VPS4B: variants seen among roughly 807,000 people sequenced by gnomAD.
VPS4B encodes the protein vacuolar protein sorting 4 homolog B.
VPS4B carries 23 observed loss-of-function variants against 56.1 expected under a neutral mutation model. The observed-to-expected ratio is 0.41, with a 90% CI of 0.30 to 0.58. VPS4B has a LOEUF of 0.58. Ranked by LOEUF, VPS4B falls within the 20% of genes least tolerant of loss-of-function variation. VPS4B has a pLI of 0.29. For missense variants in VPS4B, 372 were observed against 531.9 expected (o/e 0.70, Z 2.96); for synonymous variants, 177 against 186.0 (o/e 0.95, Z 0.39).
At chr18:63,412,281 T>C (rs1380701157) in intron 1 of VPS4B, among the ~76,000 whole-genome samples, 1 of 152,178 alleles carries the variant, frequency 6.6e-6, no homozygotes, top group Non-Finnish European at 1.5e-5. Context: ...GGACACAACT[T>C]TTTATATGTA....
chr18:63,402,856 C>T (rs1032219958), intron 5 of VPS4B, among the ~76,000 whole-genome samples: 3 of 152,142 alleles, frequency 2.0e-5, no homozygotes, highest in Admixed American at 6.5e-5. Flanking sequence ...CTGCTCTATA[C>T]GATACGACTG....
chr18:63,393,071 T>C lies in VPS4B; in HGVS notation c.1233+338A>G, dbSNP rs563254771. Among the ~76,000 whole-genome samples the C allele has an allele frequency of 1.1e-3, 160 of 152,244 alleles. 1 individual carries two copies. The highest frequency in any genetic ancestry group is 3.7e-3 in the African/African-American group (152 of 41,534). ...AATCTGAGATGCAGGGGAAAAAAAA[T>C]ATTTCACCAACCCTATTTTTTAGTT... On this transcript the variant is annotated intron_variant, in intron 10 of 10. Transcript: ENST00000238497.
intron 1 of VPS4B, among the ~76,000 whole-genome samples, chr18:63,421,313 G>A (rs1281317843): frequency 2.6e-5 from 4 of 152,044 alleles, no homozygotes; most frequent in Non-Finnish European, 5.9e-5. Flanking sequence ...AATTATCATG[G>A]GTTAAGGAGT....
chr18:63,394,023 G>A (rs1314085285), intron 9 of VPS4B, among the ~76,000 whole-genome samples: 3 of 151,848 alleles, frequency 2.0e-5, no homozygotes, highest in South Asian at 2.1e-4. Flanking sequence ...AGGTGTGAGC[G>A]ACTGCACCCA....
At chr18:63,394,692 CCT>C (rs1279041140) in intron 9 of VPS4B, among the ~76,000 whole-genome samples, 3 of 152,130 alleles carry the variant, frequency 2.0e-5, no homozygotes, top group Admixed American at 2.0e-4. Flanking sequence ...GTCTCGAACC[CCT>C]GACCTTGTGA....
intron 3 of VPS4B, among the ~76,000 whole-genome samples, chr18:63,408,027 A>G (rs1915956897): frequency 6.6e-6 from 1 of 152,216 alleles, no homozygotes; most frequent in Non-Finnish European, 1.5e-5. Flanking sequence ...CGATCAAGGC[A>G]TTTCATTCAT....
chr18:63,405,882 A>C (rs548367733), intron 4 of VPS4B, among the ~76,000 whole-genome samples: 1 of 152,058 alleles, frequency 6.6e-6, no homozygotes, highest in African/African-American at 2.4e-5. Context: ...GCTACTCAGG[A>C]GGCTGAGGCA....
chr18:63,397,805 A>G (rs1915704254), intron 8 of VPS4B, among the ~76,000 whole-genome samples: 1 of 152,200 alleles, frequency 6.6e-6, no homozygotes, highest in East Asian at 1.9e-4. Flanking sequence ...AGCAACGATG[A>G]GGGATAATTT....
chr18:63,421,037 CAAAA>C (rs36083080), intron 1 of VPS4B, among the ~76,000 whole-genome samples: 3 of 52,016 alleles, frequency 5.8e-5, no homozygotes, highest in East Asian at 1.2e-3. Flanking sequence ...GACTCCGTCT[CAAAA>C]AAAAAAAAAA....
intron 9 of VPS4B, among the ~76,000 whole-genome samples, chr18:63,395,303 AAACTT>A (rs1247666943): frequency 6.6e-6 from 1 of 152,262 alleles, no homozygotes; most frequent in Non-Finnish European, 1.5e-5. Flanking sequence ...GCTGTGGCAT[AAACTT>A]AACAGTACTT....
intron 1 of VPS4B, among the ~76,000 whole-genome samples, chr18:63,412,303 T>C (rs1478711015): frequency 6.6e-6 from 1 of 152,190 alleles, no homozygotes; most frequent in African/African-American, 2.4e-5. Context: ...CAGGAATTTA[T>C]TTGAAACAAC....
At chr18:63,393,623 A>G (rs943244232) in intron 9 of VPS4B, 74 bp from the exon 10 acceptor site, 11 of 1,320,772 alleles carry the variant, frequency 8.3e-6, no homozygotes, top group Non-Finnish European at 1.1e-5. Context: ...TTACCAGGAA[A>G]GTTAAAATGT....
In VPS4B at chr18:63,400,665, G is replaced by A; in HGVS notation, c.523C>T (p.Pro175Ser). 1.2e-6 allele frequency: 2 copies of A among 1,604,412 alleles called. No homozygotes were observed. The highest frequency in any genetic ancestry group is 1.7e-6 in the Non-Finnish European group (2 of 1,177,964). Residue 175 changes from proline (P) to serine (S), a missense_variant, in exon 6 of 11, where the codon CCG becomes TCG. This residue lies in a region of VPS4B where 66 missense variants were observed against 150.7 expected (regional missense o/e 0.44). Coordinates refer to ENST00000238497, the MANE Select transcript of VPS4B (RefSeq NM_004869.4). ...TPWRGILLFGPPGTGKSYLAK... is the reference protein window; with the variant it reads ...TPWRGILLFGSPGTGKSYLAK... ...AAGTAGGACTTTCCTGTTCCAGGCG[G>A]CCCAAATAATAGGATTCCCCTCCAA...
intron 1 of VPS4B, chr18:63,416,207 T>A: frequency 1.0e-5 from 2 of 197,964 alleles, no homozygotes; most frequent in South Asian, 2.3e-4. Context: ...GGGATACACC[T>A]TGACTAACAC....
chr18:63,411,152 C>A (rs893050845), intron 2 of VPS4B, among the ~76,000 whole-genome samples: 1 of 152,182 alleles, frequency 6.6e-6, no homozygotes, highest in African/African-American at 2.4e-5. Context: ...TCCATTGTAT[C>A]CCCAGTGCCT....
At chr18:63,410,205 T>A in intron 3 of VPS4B, 85 bp downstream of exon 3, 1 of 1,552,274 alleles carries the variant, frequency 6.4e-7, no homozygotes, top group East Asian at 2.2e-5. Context: ...GAGCCATAGT[T>A]TGCTGACACC....
At chr18:63,412,093 A>G (rs1485343524) in intron 1 of VPS4B, among the ~76,000 whole-genome samples, 1 of 152,232 alleles carries the variant, frequency 6.6e-6, no homozygotes, top group African/African-American at 2.4e-5. Flanking sequence ...GTAATTAACT[A>G]AAAGGTTTAC....
chr18:63,392,881 G>C (rs1043890026), intron 10 of VPS4B, among the ~76,000 whole-genome samples: 1 of 152,098 alleles, frequency 6.6e-6, no homozygotes, highest in Non-Finnish European at 1.5e-5. Context: ...TGAGTAGCTG[G>C]ATTGCAGGTG....
intron 1 of VPS4B, among the ~76,000 whole-genome samples, chr18:63,412,591 G>C (rs1205069829): frequency 6.6e-6 from 1 of 152,132 alleles, no homozygotes; most frequent in Non-Finnish European, 1.5e-5. Flanking sequence ...ACATCCATAA[G>C]CATACACCTA....
Sources: gnomAD v4.1 joint callset for allele counts (sites outside exome capture counted in the v4.1 genomes callset) on GRCh38, gnomAD v4.1.1 for gene constraint, gnomAD v4.1.1 regional missense constraint, MANE v1.5 for transcripts, NCBI Gene and HGNC (gene_info 2026-07-23, HGNC 2026-07-21) for gene names.